The following APBB2 variants were observed in gnomAD, a reference collection of about 807,000 sequenced individuals.
APBB2 encodes amyloid beta precursor protein binding family B member 2.
In APBB2, 38 loss-of-function variants were observed where a neutral mutation model predicts 82.5. That is an observed-to-expected ratio of 0.46 (90% CI 0.36 to 0.60). The LOEUF is 0.60. Among genes scored for constraint, APBB2 ranks in the 20% least tolerant of loss-of-function variants. The pLI is 0.00. For synonymous variants in APBB2, 341 were observed against 368.2 expected (o/e 0.93, Z 0.85); for missense variants, 772 against 972.3 (o/e 0.79, Z 2.74).
At chr4:41,093,713 G>A (rs1035878284) in intron 3 of APBB2, among the ~76,000 whole-genome samples, 4 of 152,178 alleles carry the variant, frequency 2.6e-5, no homozygotes, top group African/African-American at 4.8e-5. Context: ...AATTAGCTGG[G>A]CGTGGTGGCG....
intron 12 of APBB2, among the ~76,000 whole-genome samples, chr4:40,872,413 A>T (rs1279203509): frequency 1.3e-5 from 2 of 152,210 alleles, no homozygotes; most frequent in Non-Finnish European, 2.9e-5. Flanking sequence ...GATGTCACAT[A>T]ACACTGGCAT....
At chr4:41,028,670 G>C (rs576648665) in intron 5 of APBB2, among the ~76,000 whole-genome samples, 1 of 152,332 alleles carries the variant, frequency 6.6e-6, no homozygotes, top group East Asian at 1.9e-4. Context: ...GCCACTTGGA[G>C]CTAGGTTTTC....
At chr4:41,134,838 T>C (rs1367133061) in intron 2 of APBB2, among the ~76,000 whole-genome samples, 3 of 152,196 alleles carry the variant, frequency 2.0e-5, no homozygotes, top group Admixed American at 2.0e-4. Context: ...CTTCATTTCG[T>C]TCCCTCCAGC....
rs534345935 is a variant in APBB2, at chr4:40,816,016, C to T, written c.*76G>A. On this transcript the variant is annotated 3_prime_UTR_variant, in exon 18 of 18. Coordinates refer to ENST00000508593, the MANE Select transcript of APBB2 (RefSeq NM_004307.2). ...AAGCATCAGCAACTGGATGGAAGGT[C>T]GGATGGCGGAGTTCATTTTCTTTAG... 78 of 1,519,526 alleles carry T rather than the reference C, an allele frequency of 5.1e-5. 1 individual carries two copies. Among genetic ancestry groups the T allele is most frequent in the South Asian group, 4.4e-4 (37 of 83,398 alleles). 94.1% of individuals were successfully genotyped at this position (1,519,526 alleles called of 1,614,324 possible).
intron 4 of APBB2, among the ~76,000 whole-genome samples, chr4:41,035,224 T>A (rs1038531474): frequency 6.6e-6 from 1 of 152,232 alleles, no homozygotes; most frequent in African/African-American, 2.4e-5. Flanking sequence ...AGCTCTAAAT[T>A]CTAATCTAAC....
chr4:41,057,230 C>A (rs1200345911), intron 4 of APBB2, among the ~76,000 whole-genome samples: 1 of 152,176 alleles, frequency 6.6e-6, no homozygotes, highest in Admixed American at 6.5e-5. Context: ...GCGGGCAGAT[C>A]ACCTCAGGTC....
At chr4:41,013,500 G>T in intron 6 of APBB2, 83 bp downstream of exon 6, 5 of 1,298,682 alleles carry the variant, frequency 3.9e-6, no homozygotes, top group Non-Finnish European at 5.4e-6. Flanking sequence ...GGACATTTTT[G>T]GTCAGTCTAG....
At chr4:41,024,487 T>G (rs939221319) in intron 5 of APBB2, among the ~76,000 whole-genome samples, 1 of 151,876 alleles carries the variant, frequency 6.6e-6, no homozygotes, top group Non-Finnish European at 1.5e-5. Context: ...GAAAGAAAAA[T>G]AAAATTAAAA....
chr4:41,205,322 C>T (rs17443381), intron 1 of APBB2, among the ~76,000 whole-genome samples: 12,218 of 152,158 alleles, frequency 0.08, 699 homozygotes, highest in Non-Finnish European at 0.12. Context: ...CAATCCTTCA[C>T]GGGATTTTAC....
intron 11 of APBB2, among the ~76,000 whole-genome samples, chr4:40,892,059 T>G (rs1244646873): frequency 6.6e-6 from 1 of 151,720 alleles, no homozygotes; most frequent in African/African-American, 2.4e-5. Context: ...CAAGTGATTC[T>G]CCTACCTCAG....
At chr4:40,861,088 C>G (rs189886473) in intron 12 of APBB2, among the ~76,000 whole-genome samples, 11 of 152,180 alleles carry the variant, frequency 7.2e-5, no homozygotes, top group African/African-American at 2.7e-4. Context: ...TGGTGGCTCA[C>G]GCCTGTAATC....
chr4:40,864,405 A>G (rs1369426236), intron 12 of APBB2, among the ~76,000 whole-genome samples: 1 of 152,128 alleles, frequency 6.6e-6, no homozygotes, highest in Non-Finnish European at 1.5e-5. Flanking sequence ...GCTTGCACTC[A>G]CGTAAGGATG....
At chr4:40,853,102 T>G (rs899021598) in intron 12 of APBB2, among the ~76,000 whole-genome samples, 2 of 152,172 alleles carry the variant, frequency 1.3e-5, no homozygotes, top group Admixed American at 6.5e-5. Context: ...CACCCCTTCC[T>G]GCATCTTCTA....
intron 10 of APBB2, among the ~76,000 whole-genome samples, chr4:40,899,428 T>C (rs1774630248): frequency 1.3e-5 from 2 of 152,148 alleles, no homozygotes; most frequent in Non-Finnish European, 2.9e-5. Context: ...CTGAGTTTTA[T>C]AATACAGCCA....
chr4:41,184,481 T>C (rs1311085915), intron 1 of APBB2, among the ~76,000 whole-genome samples: 2 of 152,334 alleles, frequency 1.3e-5, no homozygotes, highest in Admixed American at 1.3e-4. Flanking sequence ...AGCTCTTCCC[T>C]GGGCTTAGAC....
chr4:41,141,618 A>C (rs924125242), intron 2 of APBB2, among the ~76,000 whole-genome samples: 1 of 152,130 alleles, frequency 6.6e-6, no homozygotes, highest in African/African-American at 2.4e-5. Flanking sequence ...CCTTTAGTCC[A>C]TTTTCATGCT....
At chr4:41,210,454 C>T (rs956926920) in intron 1 of APBB2, among the ~76,000 whole-genome samples, 1 of 152,226 alleles carries the variant, frequency 6.6e-6, no homozygotes, top group African/African-American at 2.4e-5. Context: ...TCCAAATCCC[C>T]CCAGACCCTT....
At chr4:41,089,006 AT>A (rs1207337663) in intron 3 of APBB2, among the ~76,000 whole-genome samples, 1 of 151,918 alleles carries the variant, frequency 6.6e-6, no homozygotes, top group Non-Finnish European at 1.5e-5. Flanking sequence ...AGGGGCATTA[AT>A]TTTTTTTTCT....
intron 7 of APBB2, among the ~76,000 whole-genome samples, chr4:40,936,446 G>A (rs189802843): frequency 7.2e-5 from 11 of 152,180 alleles, no homozygotes; most frequent in African/African-American, 2.7e-4. Flanking sequence ...TGTTGAGATG[G>A]GGGTTCCATT....
Sources: gnomAD v4.1 joint callset for allele counts (sites outside exome capture counted in the v4.1 genomes callset) on GRCh38, gnomAD v4.1.1 for gene constraint, MANE v1.5 for transcripts, NCBI Gene and HGNC (gene_info 2026-07-23, HGNC 2026-07-21) for gene names.